The following WDR64 variants were observed in gnomAD, a reference collection of about 807,000 sequenced individuals.
The protein encoded by WDR64 is WD repeat-containing protein 64.
In WDR64, 112 loss-of-function variants were observed where a neutral mutation model predicts 139.3. That is an observed-to-expected ratio of 0.80 (90% CI 0.69 to 0.94). WDR64 has a LOEUF of 0.94. Ranked by LOEUF, WDR64 falls within the 40% of genes least tolerant of loss-of-function variation. The pLI is 0.00. For missense variants in WDR64, 1,206 were observed against 1,293.1 expected (o/e 0.93, Z 1.03); for synonymous variants, 444 against 437.7 (o/e 1.01, Z -0.18).
chr1:241,746,314 C>T (rs1022687595), intron 13 of WDR64, among the ~76,000 whole-genome samples: 1 of 152,050 alleles, frequency 6.6e-6, no homozygotes, highest in Non-Finnish European at 1.5e-5. Context: ...GAGTCTGAAT[C>T]TGAGGTGACC....
rs570150908 is a variant in WDR64, at chr1:241,697,325, C to T, written c.974+9730C>T. Among the ~76,000 whole-genome samples, 10 of 152,256 alleles carry T rather than the reference C, an allele frequency of 6.6e-5. 1 individual carries two copies. The highest frequency in any genetic ancestry group is 2.1e-4 in the South Asian group (1 of 4,820). On this transcript the variant is annotated intron_variant, in intron 8 of 27. Transcript: ENST00000437684. Reference sequence around the variant, plus strand: ...CATACCTTTCAAAATTATCTCTGGCCGTACCTATTCTTCTTTTCTTTTTGT... The same window carrying T: ...CATACCTTTCAAAATTATCTCTGGCTGTACCTATTCTTCTTTTCTTTTTGT...
intron 21 of WDR64, among the ~76,000 whole-genome samples, chr1:241,779,186 A>C (rs1658761688): frequency 6.6e-6 from 1 of 150,958 alleles, no homozygotes; most frequent in Admixed American, 6.6e-5. Context: ...TAAATATTTC[A>C]CTCCACTCTT....
chr1:241,776,834 T>G (rs1442946145), intron 21 of WDR64, among the ~76,000 whole-genome samples: 2 of 152,230 alleles, frequency 1.3e-5, no homozygotes, highest in Non-Finnish European at 2.9e-5. Flanking sequence ...TCTCTTTGCC[T>G]ATGCCTAGAA....
chr1:241,729,265 C>T lies in WDR64; in HGVS notation c.1194+5829C>T, dbSNP rs1466202577. 2.0e-5 allele frequency among the ~76,000 whole-genome samples: 3 copies of T among 152,290 alleles called. 1 individual carries two copies. Among genetic ancestry groups the T allele is most frequent in the South Asian group, 4.1e-4 (2 of 4,828 alleles). ...TAGTTCAGACCCATCCACCAAGGGG[C>T]TCCCAGTTGCAGGTGGCCCATTAGA... is the stretch of plus-strand genomic sequence containing the variant. On this transcript the variant is annotated intron_variant, in intron 10 of 27. Coordinates refer to ENST00000437684, the MANE Select transcript of WDR64 (RefSeq NM_001367482.1).
intron 7 of WDR64, among the ~76,000 whole-genome samples, chr1:241,686,993 T>C (rs115769202): frequency 3.3e-5 from 5 of 152,266 alleles, no homozygotes; most frequent in Admixed American, 6.5e-5. Context: ...ATTTTAAGTA[T>C]GCTTGATTAT....
rs571842773 is a variant in WDR64 at position 241,769,513 on chromosome 1, G to A, written c.2183+8G>A. On this transcript the variant is annotated splice_region_variant and intron_variant, in intron 17 of 27. Coordinates refer to ENST00000437684, the MANE Select transcript of WDR64 (RefSeq NM_001367482.1). ...TACCCCTGAATGTGCAAGGTAACTCGTTACTTACTGAACCAGTAATACTGT... is the reference window on the plus strand; with the variant it reads ...TACCCCTGAATGTGCAAGGTAACTCATTACTTACTGAACCAGTAATACTGT... 1.2e-5 allele frequency: 18 copies of A among 1,547,534 alleles called. No homozygotes were observed. Among genetic ancestry groups the A allele is most frequent in the African/African-American group, 5.5e-5 (4 of 73,048 alleles).
chr1:241,718,773 A>G (rs934455424), intron 9 of WDR64, among the ~76,000 whole-genome samples: 14 of 152,130 alleles, frequency 9.2e-5, no homozygotes, highest in African/African-American at 3.4e-4. Context: ...GTTTCTGGCG[A>G]GAGCTCTCTT....
At chr1:241,753,651 C>T (rs1226707285) in intron 14 of WDR64, among the ~76,000 whole-genome samples, 2 of 152,102 alleles carry the variant, frequency 1.3e-5, no homozygotes, top group Non-Finnish European at 2.9e-5. Flanking sequence ...TTGCAGTGAG[C>T]CAAAATAGCA....
chr1:241,709,911 T>C (rs1181762783), intron 8 of WDR64, among the ~76,000 whole-genome samples: 1 of 151,882 alleles, frequency 6.6e-6, no homozygotes, highest in Non-Finnish European at 1.5e-5. Flanking sequence ...ATTAAATAAG[T>C]GCTAATTTAG....
intron 9 of WDR64, among the ~76,000 whole-genome samples, chr1:241,723,015 A>C (rs1288262510): frequency 6.6e-6 from 1 of 152,218 alleles, no homozygotes; most frequent in Non-Finnish European, 1.5e-5. Context: ...AATGCATCAA[A>C]GTATAGGAAA....
chr1:241,683,621 C>G lies in WDR64; in HGVS notation c.759C>G (p.Asn253Lys). 6.4e-7 allele frequency: 1 copy of G among 1,551,474 alleles called. No individual in the cohort carries two copies. ...DGGFVNRFTV[N>K]SDDFGIKQAK... ...GTTTTGTGAACAGATTCACAGTCAACAGTGATGACTTTGGAATAAAGCAGG... is the reference window on the plus strand; with the variant it reads ...GTTTTGTGAACAGATTCACAGTCAAGAGTGATGACTTTGGAATAAAGCAGG... The change falls in exon 7 of 28, where the codon AAC becomes AAG. Residue 253 changes from asparagine to lysine, a missense_variant. By Grantham distance (94) the Asn-to-Lys change is moderately conservative (BLOSUM62 0). Transcript: ENST00000437684.
rs936212703 is a variant in WDR64, at chr1:241,801,811, A to C, written c.*596A>C. Reference sequence around the variant, plus strand: ...AGAAAGGAAGAAAAATGGGTCATAGAAATAGAAAAAGCATAGTAACATGGT... The same window carrying C: ...AGAAAGGAAGAAAAATGGGTCATAGCAATAGAAAAAGCATAGTAACATGGT... On this transcript the variant is annotated 3_prime_UTR_variant, in exon 28 of 28. Transcript: ENST00000437684. 7.5e-6 allele frequency: 3 copies of C among 398,236 alleles called. No individual in the cohort carries two copies. Among genetic ancestry groups the C allele is most frequent in the Non-Finnish European group, 1.3e-5 (3 of 225,940 alleles). 24.7% of individuals were successfully genotyped at this position (398,236 alleles called of 1,614,324 possible). A position where few individuals can be genotyped will look rare whatever the true frequency, so the allele number is the denominator to read the frequency against.
intron 13 of WDR64, among the ~76,000 whole-genome samples, chr1:241,745,257 G>A (rs1669710938): frequency 6.6e-6 from 1 of 151,214 alleles, no homozygotes; most frequent in African/African-American, 2.4e-5. Context: ...ATCCTGATGT[G>A]TGAAAGTCTC....
At chr1:241,788,129 G>T (rs1348617576) in intron 24 of WDR64, 95 bp downstream of exon 24, 23 of 1,124,916 alleles carry the variant, frequency 2.0e-5, no homozygotes, top group Non-Finnish European at 2.3e-5. Context: ...CAAGGCAAGA[G>T]GTCCAGAACT....
chr1:241,679,832 G>T (rs1036553111), intron 6 of WDR64, among the ~76,000 whole-genome samples: 8 of 152,100 alleles, frequency 5.3e-5, no homozygotes, highest in Admixed American at 5.2e-4. Context: ...GAGAGAGGGG[G>T]TAATTCCTTT....
chr1:241,743,227 C>T (rs1007677146), intron 12 of WDR64, among the ~76,000 whole-genome samples: 8 of 152,096 alleles, frequency 5.3e-5, no homozygotes, highest in Non-Finnish European at 7.4e-5. Flanking sequence ...AGTGGGAGGA[C>T]CACATGAAGG....
At chr1:241,655,985 A>T (rs979396667) in intron 1 of WDR64, among the ~76,000 whole-genome samples, 2 of 152,128 alleles carry the variant, frequency 1.3e-5, no homozygotes, top group African/African-American at 4.8e-5. Context: ...GGTGTCCAGA[A>T]GGTACTCCTT....
In WDR64 at chr1:241,703,933, CA is replaced by C; in HGVS notation, c.975-7868del. Among the ~76,000 whole-genome samples, 1 of 152,162 alleles carries C rather than the reference CA, an allele frequency of 6.6e-6. No homozygotes were observed. Among genetic ancestry groups the C allele is most frequent in the East Asian group, 1.9e-4 (1 of 5,196 alleles). ...GATCTCATGAGAACTCACTCACTAA[CA>C]CAAGAACAACACGGGAGAAGCCGCC... On this transcript the variant is annotated intron_variant, in intron 8 of 27. Transcript: ENST00000437684. The surrounding 1 kb of genome is among the most constrained non-coding windows in gnomAD (Gnocchi z 5.9).
At chr1:241,660,808 C>A in intron 2 of WDR64, 148 bp downstream of exon 2, 1 of 766,912 alleles carries the variant, frequency 1.3e-6, no homozygotes. Flanking sequence ...TAGGACATGG[C>A]CACTGCCCAC....
Sources: allele counts gnomAD v4.1 joint callset (sites outside exome capture counted in the v4.1 genomes callset), GRCh38; gene constraint gnomAD v4.1.1; non-coding constraint Gnocchi (gnomAD v3.1); transcripts MANE v1.5; gene names NCBI Gene and HGNC (gene_info 2026-07-23, HGNC 2026-07-21).